NUS1: variants seen among roughly 807,000 people sequenced by gnomAD.
NUS1 encodes the protein NUS1 dehydrodolichyl diphosphate synthase subunit.
For synonymous variants in NUS1, 135 were observed against 155.2 expected, an observed-to-expected ratio of 0.87 and a Z score of 0.97; for missense variants, 292 against 382.9, an observed-to-expected ratio of 0.76 and a Z score of 1.98.
intron 1 of NUS1, among the ~76,000 whole-genome samples, chr6:117,682,315 C>T (rs1246522969): frequency 6.6e-6 from 1 of 152,062 alleles, no homozygotes; most frequent in Non-Finnish European, 1.5e-5. Context: ...TAAAGTAAAC[C>T]TTTGCTGAGT....
chr6:117,686,845 AGTGTGTATGTGTGT>A (rs1166517473), intron 1 of NUS1, among the ~76,000 whole-genome samples: 586 of 114,484 alleles, frequency 5.1e-3, no homozygotes, highest in African/African-American at 0.016. Flanking sequence ...TATCATGTGA[AGTGTGTATGTGTGT>A]GTGTGTGTGT....
chr6:117,675,475 C>T lies in NUS1; in HGVS notation c.-196C>T, dbSNP rs948729272. 2 of 605,610 alleles carry T rather than the reference C, an allele frequency of 3.3e-6. No homozygotes were observed. The highest frequency in any genetic ancestry group is 5.9e-5 in the Admixed American group (2 of 34,076). The allele number at this position is 605,610 out of a possible 1,614,324, so 37.5% of individuals were successfully genotyped here. A position where few individuals can be genotyped will look rare whatever the true frequency, so the allele number is the denominator to read the frequency against. ...GCCAATCGGAACTGTCCATGTACTA[C>T]TGGGGGCGGGGCTGCCAAGGGAGGA... On this transcript the variant is annotated 5_prime_UTR_variant, in exon 1 of 5. Coordinates refer to ENST00000368494, the MANE Select transcript of NUS1 (RefSeq NM_138459.5).
intron 1 of NUS1, among the ~76,000 whole-genome samples, chr6:117,691,803 T>C (rs1773226761): frequency 6.6e-6 from 1 of 151,652 alleles, no homozygotes; most frequent in South Asian, 2.1e-4. Context: ...TAATTGAACA[T>C]GTAACATATG....
chr6:117,700,344 T>C (rs184154041), intron 3 of NUS1, among the ~76,000 whole-genome samples: 1 of 152,346 alleles, frequency 6.6e-6, no homozygotes, highest in East Asian at 1.9e-4. Flanking sequence ...TGAATAGATA[T>C]TTCTCAAAAG....
At chr6:117,694,932 C>T (rs1773294471) in intron 3 of NUS1, among the ~76,000 whole-genome samples, 1 of 152,102 alleles carries the variant, frequency 6.6e-6, no homozygotes, top group Admixed American at 6.5e-5. Context: ...GGGTGGCTCA[C>T]ACTTGTAATC....
intron 1 of NUS1, among the ~76,000 whole-genome samples, chr6:117,691,984 T>G (rs1773229007): frequency 6.6e-6 from 1 of 152,006 alleles, no homozygotes; most frequent in Admixed American, 6.6e-5. Flanking sequence ...CCAGGCAAAT[T>G]TTTAAACTAG....
rs1582479254 is a variant in NUS1, at chr6:117,707,780, T to C, written c.*765T>C. ...TATTTGAAAAATAACTCCTACTACA[T>C]TGAAATGCAGACTTAAAAATTTAAA... On this transcript the variant is annotated 3_prime_UTR_variant, in exon 5 of 5. Transcript: ENST00000368494. 6.6e-6 allele frequency: 1 copy of C among 152,494 alleles called. No homozygotes were observed. The allele number at this position is 152,494 out of a possible 1,614,324, so 9.4% of individuals were successfully genotyped here. A position where few individuals can be genotyped will look rare whatever the true frequency, so the allele number is the denominator to read the frequency against.
chr6:117,705,095 T>C (rs1773480877), intron 4 of NUS1, among the ~76,000 whole-genome samples: 1 of 152,176 alleles, frequency 6.6e-6, no homozygotes, highest in African/African-American at 2.4e-5. Context: ...ATGTTAGAGT[T>C]GGAAAGGACT....
Position 117,707,155 on chromosome 6 carries a change from T to A in NUS1, c.*140T>A. 1.3e-6 allele frequency: 1 copy of A among 750,210 alleles called. No individual in the cohort carries two copies. Among genetic ancestry groups the A allele is most frequent in the Non-Finnish European group, 2.2e-6 (1 of 447,346 alleles). The allele number at this position is 750,210 out of a possible 1,614,324, so 46.5% of individuals were successfully genotyped here. On this transcript the variant is annotated 3_prime_UTR_variant, in exon 5 of 5. Coordinates refer to ENST00000368494, the MANE Select transcript of NUS1 (RefSeq NM_138459.5). ...ATTTATCAACAAACACAAAAAAGTG[T>A]CTTACTTGAGAGTGAGTGTGTGTGT...
At chr6:117,705,948 A>T (rs894248106) in intron 4 of NUS1, among the ~76,000 whole-genome samples, 5 of 152,314 alleles carry the variant, frequency 3.3e-5, no homozygotes, top group African/African-American at 1.2e-4. Flanking sequence ...GAGGAAGGAT[A>T]AAGAAAAGTA....
At chr6:117,701,872 C>T (rs1221970956) in intron 3 of NUS1, among the ~76,000 whole-genome samples, 2 of 151,734 alleles carry the variant, frequency 1.3e-5, no homozygotes, top group Admixed American at 6.6e-5. Flanking sequence ...ATTTTTTAGT[C>T]TGGCTTATGT....
chr6:117,677,838 A>C (rs1773006389), intron 1 of NUS1, among the ~76,000 whole-genome samples: 1 of 152,232 alleles, frequency 6.6e-6, no homozygotes, highest in South Asian at 2.1e-4. Context: ...TGCCTAAACC[A>C]ATGCAACCAG....
chr6:117,691,122 G>A (rs1047720319), intron 1 of NUS1, among the ~76,000 whole-genome samples: 1 of 150,764 alleles, frequency 6.6e-6, no homozygotes, highest in Non-Finnish European at 1.5e-5. Flanking sequence ...TCCCCTCATC[G>A]CCTCGACAAA....
chr6:117,710,398 C>A lies in NUS1; in HGVS notation c.*3383C>A, dbSNP rs1773558867. 1 of 151,952 alleles carries A rather than the reference C, an allele frequency of 6.6e-6. No individual in the cohort carries two copies. 9.4% of individuals were successfully genotyped at this position (151,952 alleles called of 1,614,324 possible). On this transcript the variant is annotated 3_prime_UTR_variant, in exon 5 of 5. Coordinates refer to ENST00000368494, the MANE Select transcript of NUS1 (RefSeq NM_138459.5). ...TTAATGTGAGCAGTTCTCCAAGATC[C>A]TAACTGGTGGGACATAAACTATGAT...
At chr6:117,684,729 T>TGA (rs1773111572) in intron 1 of NUS1, among the ~76,000 whole-genome samples, 1 of 152,216 alleles carries the variant, frequency 6.6e-6, no homozygotes. Context: ...ACCTGACTGC[T>TGA]GAGAGAATAT....
chr6:117,677,305 A>G (rs953256427), intron 1 of NUS1, among the ~76,000 whole-genome samples: 1 of 152,214 alleles, frequency 6.6e-6, no homozygotes, highest in African/African-American at 2.4e-5. Flanking sequence ...AGAAATTGTG[A>G]ATGAAGGAAC....
At chr6:117,697,966 G>C (rs1471592539) in intron 3 of NUS1, among the ~76,000 whole-genome samples, 1 of 152,032 alleles carries the variant, frequency 6.6e-6, no homozygotes, top group African/African-American at 2.4e-5. Flanking sequence ...CATCTTCTCT[G>C]ACCACAATGG....
At chr6:117,676,326 C>T (rs1415852646) in intron 1 of NUS1, among the ~76,000 whole-genome samples, 1 of 152,234 alleles carries the variant, frequency 6.6e-6, no homozygotes, top group Non-Finnish European at 1.5e-5. Flanking sequence ...TGCCTGTAAT[C>T]CCAGCACTTT....
chr6:117,703,723 A>AAT lies in NUS1; in HGVS notation c.791+19_791+20insAT, dbSNP rs1239155154. 3.3e-5 allele frequency: 51 copies of AAT among 1,549,342 alleles called. No homozygotes were observed. Among genetic ancestry groups the AAT allele is most frequent in the Non-Finnish European group, 4.2e-5 (47 of 1,120,986 alleles). ...AGATTGTGTAAGTAATTAAAAGCGTACTGACTTTGTTTAGATTCAGCAAGT... is the reference window on the plus strand; with the variant it reads ...AGATTGTGTAAGTAATTAAAAGCGTAATCTGACTTTGTTTAGATTCAGCAAGT... On this transcript the variant is annotated intron_variant, in intron 4 of 4. Coordinates refer to ENST00000368494, the MANE Select transcript of NUS1 (RefSeq NM_138459.5).
Sources: allele counts gnomAD v4.1 joint callset (sites outside exome capture counted in the v4.1 genomes callset), GRCh38; gene constraint gnomAD v4.1.1; transcripts MANE v1.5; gene names NCBI Gene and HGNC (gene_info 2026-07-23, HGNC 2026-07-21).